HSD17B12: variants seen among roughly 807,000 people sequenced by gnomAD.
HSD17B12 encodes the protein very-long-chain 3-oxoacyl-CoA reductase.
In HSD17B12, 32 loss-of-function variants were observed where a neutral mutation model predicts 39.3. The ratio of observed to expected loss-of-function variants is 0.81; its 90% confidence interval spans 0.61 to 1.09. The LOEUF is 1.09. Among genes scored for constraint, HSD17B12 ranks in the 50% least tolerant of loss-of-function variants. HSD17B12 has a pLI of 0.00. For synonymous variants in HSD17B12, 150 were observed against 146.7 expected (o/e 1.02, Z -0.16); for missense variants, 342 against 382.9 (o/e 0.89, Z 0.89).
At chr11:43,678,340 G>C (rs1269493342), upstream of HSD17B12, among the ~76,000 whole-genome samples, 2 of 152,138 alleles carry the variant, frequency 1.3e-5, no homozygotes, top group Non-Finnish European at 2.9e-5. Flanking sequence ...TTAGCCCTTT[G>C]TAAGATGAGT....
Position 43,680,800 on chromosome 11 carries a change from C to T in HSD17B12, c.-28C>T, listed in dbSNP as rs753330817. 14 of 1,591,872 alleles carry T rather than the reference C, an allele frequency of 8.8e-6. No homozygotes were observed. Among genetic ancestry groups the T allele is most frequent in the African/African-American group, 1.3e-5 (1 of 74,460 alleles). On this transcript the variant is annotated 5_prime_UTR_variant, in exon 1 of 11. In the 5' UTR this introduces an upstream ATG that the reference lacks. Transcript: ENST00000278353. ...TTCATTCACTCGCTCTTTTCATTCA[C>T]GAAGGTAGTGAGGCCTAGTGGAAAG...
At chr11:43,700,312 C>T (rs906234136) in intron 1 of HSD17B12, among the ~76,000 whole-genome samples, 2 of 152,064 alleles carry the variant, frequency 1.3e-5, no homozygotes, top group African/African-American at 2.4e-5. Flanking sequence ...ATAATCACAT[C>T]ATGAAGAATG....
intron 3 of HSD17B12, among the ~76,000 whole-genome samples, chr11:43,768,719 A>G (rs1458631934): frequency 1.3e-5 from 2 of 152,322 alleles, no homozygotes; most frequent in East Asian, 3.9e-4. Flanking sequence ...TTTACTGTGA[A>G]GAGTCAAAGA....
intron 9 of HSD17B12, among the ~76,000 whole-genome samples, chr11:43,840,899 A>G (rs1590343276): frequency 6.6e-6 from 1 of 152,202 alleles, no homozygotes; most frequent in South Asian, 2.1e-4. Context: ...CAGAAGTGGA[A>G]TTGCTGGGTC....
At chr11:43,843,702 T>C (rs1951448203) in intron 9 of HSD17B12, among the ~76,000 whole-genome samples, 1 of 152,134 alleles carries the variant, frequency 6.6e-6, no homozygotes, top group African/African-American at 2.4e-5. Flanking sequence ...ATGGCTGCTG[T>C]CCCTCTCTCA....
chr11:43,818,163 T>C (rs930984043), intron 6 of HSD17B12, among the ~76,000 whole-genome samples: 1 of 152,216 alleles, frequency 6.6e-6, no homozygotes, highest in South Asian at 2.1e-4. Flanking sequence ...TATTTGTCAC[T>C]GATAAATTGT....
the HSD17B12 span, among the ~76,000 whole-genome samples, chr11:43,598,432 C>T: frequency 1.8e-3 from 280 of 152,034 alleles, 1 homozygote; most frequent in Non-Finnish European, 2.7e-3. Context: ...AACTCGATCT[C>T]GGTGAAGCTG....
At chr11:43,803,693 A>G (rs1950991808) in intron 4 of HSD17B12, among the ~76,000 whole-genome samples, 1 of 152,226 alleles carries the variant, frequency 6.6e-6, no homozygotes, top group Admixed American at 6.5e-5. Flanking sequence ...ACAGCCATGA[A>G]TTGTGAGAAT....
chr11:43,582,206 A>C, the HSD17B12 span, among the ~76,000 whole-genome samples: 1 of 152,224 alleles, frequency 6.6e-6, no homozygotes, highest in Non-Finnish European at 1.5e-5. Context: ...GAACTGGGGA[A>C]GCCCCCGCAG....
intron 3 of HSD17B12, among the ~76,000 whole-genome samples, chr11:43,782,937 T>G (rs1417551042): frequency 6.6e-6 from 1 of 152,178 alleles, no homozygotes; most frequent in Non-Finnish European, 1.5e-5. Flanking sequence ...TGGGATGCAG[T>G]GAGAAACACA....
At chr11:43,801,823 C>T (rs1950972313) in intron 4 of HSD17B12, among the ~76,000 whole-genome samples, 1 of 151,892 alleles carries the variant, frequency 6.6e-6, no homozygotes, top group African/African-American at 2.4e-5. Context: ...TCCCTTCCTT[C>T]TTGTCAAAGG....
Position 43,724,744 on chromosome 11 carries a change from G to T in HSD17B12, c.161-26167G>T, listed in dbSNP as rs140930645. ...CCCTGCTAGTACCATCACCTTGTGGGTTAGGGTTTCGACTATGAATTTTGG... is the reference window on the plus strand; with the variant it reads ...CCCTGCTAGTACCATCACCTTGTGGTTTAGGGTTTCGACTATGAATTTTGG... On this transcript the variant is annotated intron_variant, in intron 1 of 10. Coordinates refer to ENST00000278353, the MANE Select transcript of HSD17B12 (RefSeq NM_016142.3). 1.8e-4 allele frequency among the ~76,000 whole-genome samples: 28 copies of T among 152,272 alleles called. No individual in the cohort carries two copies. The East Asian group carries it at 5.4e-3, about 29-fold the overall frequency.
chr11:43,679,598 TC>T (rs1457196865), upstream of HSD17B12, among the ~76,000 whole-genome samples: 2 of 151,682 alleles, frequency 1.3e-5, no homozygotes, highest in Non-Finnish European at 2.9e-5. Context: ...ACTCCCCCAC[TC>T]CCCAACCAAA....
At chr11:43,834,705 T>C (rs1362540213) in intron 7 of HSD17B12, among the ~76,000 whole-genome samples, 13 of 152,198 alleles carry the variant, frequency 8.5e-5, no homozygotes. Flanking sequence ...ATTGGGAATT[T>C]CACAGGTCTG....
intron 1 of HSD17B12, among the ~76,000 whole-genome samples, chr11:43,683,123 T>C (rs1281726673): frequency 6.7e-6 from 1 of 148,606 alleles, no homozygotes; most frequent in Non-Finnish European, 1.5e-5. Flanking sequence ...TTTTTTTCTC[T>C]TTAAAATTGA....
intron 1 of HSD17B12, among the ~76,000 whole-genome samples, chr11:43,681,847 T>G (rs936883861): frequency 6.8e-6 from 1 of 148,014 alleles, no homozygotes; most frequent in Non-Finnish European, 1.5e-5. Context: ...TTTTTTTTCT[T>G]TTTCAACCTA....
the HSD17B12 span, among the ~76,000 whole-genome samples, chr11:43,590,645 G>T: frequency 6.7e-6 from 1 of 150,348 alleles, no homozygotes; most frequent in Non-Finnish European, 1.5e-5. Context: ...TGAGTAGCTG[G>T]GACTACAGGT....
rs1335292071 is a variant in HSD17B12, at chr11:43,855,566, T to A, written c.*318T>A. ...AGAATGATAGACTCAAGCATAAAAC[T>A]TGGCAGTTTTATCTGCTTCAAAATG... is the stretch of plus-strand genomic sequence containing the variant. On this transcript the variant is annotated 3_prime_UTR_variant, in exon 11 of 11. Coordinates refer to ENST00000278353, the MANE Select transcript of HSD17B12 (RefSeq NM_016142.3). 1 of 161,094 alleles carries A rather than the reference T, an allele frequency of 6.2e-6. No homozygotes were observed. The highest frequency in any genetic ancestry group is 2.4e-5 in the African/African-American group (1 of 41,812). 10.0% of individuals were successfully genotyped at this position (161,094 alleles called of 1,614,324 possible).
chr11:43,730,568 A>G (rs1402082684), intron 1 of HSD17B12, among the ~76,000 whole-genome samples: 1 of 152,218 alleles, frequency 6.6e-6, no homozygotes, highest in African/African-American at 2.4e-5. Context: ...CTTTTCTCAC[A>G]TTTGTTGTTG....
Sources: allele counts gnomAD v4.1 joint callset (sites outside exome capture counted in the v4.1 genomes callset), GRCh38; gene constraint gnomAD v4.1.1; transcripts MANE v1.5; gene names NCBI Gene and HGNC (gene_info 2026-07-23, HGNC 2026-07-21).